The following CTNNA3 variants were observed in gnomAD, a reference collection of about 807,000 sequenced individuals.
CTNNA3 encodes the protein catenin alpha-3.
In CTNNA3, 76 loss-of-function variants were observed where a neutral mutation model predicts 95.7. The ratio of observed to expected loss-of-function variants is 0.79; its 90% confidence interval spans 0.66 to 0.96. The LOEUF is 0.96. CTNNA3 is among the 40% of genes least tolerant of loss of function. The pLI is 0.00. For missense variants in CTNNA3, 1,191 were observed against 1,089.8 expected (o/e 1.09, Z -1.31); for synonymous variants, 431 against 374.4 (o/e 1.15, Z -1.74).
rs142696432 is a variant in CTNNA3, at chr10:66,117,192, C to T, written c.1885-13943G>A. On this transcript the variant is annotated intron_variant, in intron 13 of 17. Transcript: ENST00000433211. ...TTCCTTATCTTGATTATGGTGATAG[C>T]CTTGGGGTTTTATACATAAGCCAAT... 1.8e-4 allele frequency among the ~76,000 whole-genome samples: 28 copies of T among 152,004 alleles called. No individual in the cohort carries two copies. In the East Asian group the frequency reaches 4.8e-3, roughly 26 times the overall value.
At chr10:67,523,130 T>C (rs1840034583) in intron 4 of CTNNA3, among the ~76,000 whole-genome samples, 1 of 152,194 alleles carries the variant, frequency 6.6e-6, no homozygotes, top group Admixed American at 6.5e-5. Flanking sequence ...AACATGTTTA[T>C]CTCAATCCAA....
At chr10:66,118,592 G>A (rs1161520835) in intron 13 of CTNNA3, among the ~76,000 whole-genome samples, 1 of 151,992 alleles carries the variant, frequency 6.6e-6, no homozygotes, top group African/African-American at 2.4e-5. Context: ...CCTATTCAAA[G>A]TAATTTAGTA....
At chr10:67,080,675 T>C (rs1454929599) in intron 7 of CTNNA3, among the ~76,000 whole-genome samples, 5 of 152,052 alleles carry the variant, frequency 3.3e-5, no homozygotes, top group East Asian at 3.9e-4. Context: ...TTTGGGAGGC[T>C]GAGGCGGGCG....
At chr10:66,713,629 G>A (rs944435369) in intron 9 of CTNNA3, among the ~76,000 whole-genome samples, 1 of 152,056 alleles carries the variant, frequency 6.6e-6, no homozygotes, top group Non-Finnish European at 1.5e-5. Context: ...GTCCACCACA[G>A]AGTCTCATTC....
chr10:67,587,261 T>G (rs551818905), intron 3 of CTNNA3, among the ~76,000 whole-genome samples: 3 of 151,174 alleles, frequency 2.0e-5, no homozygotes, highest in South Asian at 4.2e-4. Flanking sequence ...AGTCTCACTA[T>G]GTTGCCCAGG....
At chr10:66,165,456 T>G (rs1214324162) in intron 13 of CTNNA3, among the ~76,000 whole-genome samples, 1 of 152,124 alleles carries the variant, frequency 6.6e-6, no homozygotes, top group Non-Finnish European at 1.5e-5. Flanking sequence ...CCTGCATATG[T>G]ACCCTCTGAA....
chr10:67,304,899 T>A lies in CTNNA3; in HGVS notation c.580-85029A>T, dbSNP rs570119503. ...ACTATGACCTAAAGAGTATAGTAAG[T>A]CAAGCAGAAGGAGTGAGGATAAGGG... is the stretch of plus-strand genomic sequence containing the variant. On this transcript the variant is annotated intron_variant, in intron 5 of 17. Transcript: ENST00000433211. Among the ~76,000 whole-genome samples, 8 of 151,782 alleles carry A rather than the reference T, an allele frequency of 5.3e-5. No individual in the cohort carries two copies. In the East Asian group the frequency reaches 1.6e-3, roughly 30 times the overall value.
chr10:66,497,039 A>C (rs958748930), intron 11 of CTNNA3, among the ~76,000 whole-genome samples: 1 of 152,062 alleles, frequency 6.6e-6, no homozygotes, highest in African/African-American at 2.4e-5. Flanking sequence ...GACATCAGTT[A>C]TATTGGATTG....
At chr10:66,371,563 T>C (rs2092754487) in intron 12 of CTNNA3, among the ~76,000 whole-genome samples, 1 of 152,182 alleles carries the variant, frequency 6.6e-6, no homozygotes, top group Non-Finnish European at 1.5e-5. Flanking sequence ...TGGATGCAAG[T>C]AGTTCCATTG....
At chr10:66,766,077 A>G (rs1839836020) in intron 9 of CTNNA3, 187 bp downstream of exon 9, 1 of 466,556 alleles carries the variant, frequency 2.1e-6, no homozygotes, top group Non-Finnish European at 3.8e-6. Context: ...TGTTTAAAAA[A>G]TAAGACAAGC....
chr10:67,208,240 C>A (rs901695811), intron 6 of CTNNA3, among the ~76,000 whole-genome samples: 2 of 151,704 alleles, frequency 1.3e-5, no homozygotes, highest in African/African-American at 4.8e-5. Context: ...ATTAGCTGGG[C>A]CTGGTGGCAG....
chr10:66,871,128 C>G (rs12260204), intron 7 of CTNNA3, among the ~76,000 whole-genome samples: 5,446 of 152,248 alleles, frequency 0.036, 317 homozygotes, highest in African/African-American at 0.12. Flanking sequence ...AGCTAAATTA[C>G]TTCTGTAAAA....
intron 1 of CTNNA3, among the ~76,000 whole-genome samples, chr10:67,660,394 A>G (rs1217596949): frequency 6.6e-6 from 1 of 152,186 alleles, no homozygotes; most frequent in African/African-American, 2.4e-5. Flanking sequence ...TAGTAACATT[A>G]GAAGTATCCC....
At chr10:67,503,969 A>C (rs192728286) in intron 5 of CTNNA3, among the ~76,000 whole-genome samples, 1 of 151,864 alleles carries the variant, frequency 6.6e-6, no homozygotes. Flanking sequence ...CATCCTGGCT[A>C]ACATGGTGAA....
intron 7 of CTNNA3, among the ~76,000 whole-genome samples, chr10:67,150,491 C>T (rs2132064610): frequency 6.6e-6 from 1 of 152,020 alleles, no homozygotes; most frequent in East Asian, 1.9e-4. Flanking sequence ...ATGTAAATGC[C>T]CTTCATTCCA....
chr10:67,699,098 A>T (rs1215490490), upstream of CTNNA3, among the ~76,000 whole-genome samples: 1 of 151,812 alleles, frequency 6.6e-6, no homozygotes, highest in African/African-American at 2.4e-5. Context: ...TTCTTCCCTC[A>T]CCTTTTCAAG....
At chr10:67,133,125 A>T (rs1860103569) in intron 7 of CTNNA3, among the ~76,000 whole-genome samples, 1 of 151,666 alleles carries the variant, frequency 6.6e-6, no homozygotes. Context: ...GGAGACCTCA[A>T]ATACCCTAAC....
intron 7 of CTNNA3, among the ~76,000 whole-genome samples, chr10:67,168,568 A>T (rs1011357410): frequency 1.3e-5 from 2 of 152,212 alleles, no homozygotes; most frequent in Non-Finnish European, 2.9e-5. Context: ...AAGGCTTTTG[A>T]TAAAATTCAA....
intron 7 of CTNNA3, among the ~76,000 whole-genome samples, chr10:67,109,125 T>G (rs75159216): frequency 0.021 from 3,130 of 152,320 alleles, 99 homozygotes; most frequent in East Asian, 0.11. Context: ...AAGGGTATAT[T>G]GGGCTGTGCA....
Sources: allele counts gnomAD v4.1 joint callset (sites outside exome capture counted in the v4.1 genomes callset), GRCh38; gene constraint gnomAD v4.1.1; transcripts MANE v1.5; gene names NCBI Gene and HGNC (gene_info 2026-07-23, HGNC 2026-07-21).